PSD3: variants seen among roughly 807,000 people sequenced by gnomAD.
PSD3 encodes the protein PH and SEC7 domain-containing protein 3.
A neutral mutation model predicts 105.5 loss-of-function variants in PSD3; 49 were observed. The observed-to-expected ratio is 0.46, with a 90% CI of 0.37 to 0.59. The LOEUF (loss-of-function observed/expected upper bound fraction) is 0.59, where lower values mean the gene tolerates loss of function less well. PSD3 is among the 20% of genes least tolerant of loss of function. The pLI, the probability that PSD3 is intolerant of heterozygous loss-of-function variation, is 0.00. For missense variants in PSD3, 1,561 were observed against 1,263.8 expected (o/e 1.24, Z -3.57); for synonymous variants, 557 against 457.8 (o/e 1.22, Z -2.77).
At position 19,062,672 on chromosome 8, in the gene PSD3, A is replaced by G. The variant is rs146400098; in HGVS notation, c.324+21534T>C. ...GACACATACTAATATGCTTTAAAGT[A>G]GATGCATAACTTCTAAAATAAAAAT... is the stretch of plus-strand genomic sequence containing the variant. On this transcript the variant is annotated intron_variant, in intron 1 of 1. Transcript: ENST00000521475. Among the ~76,000 whole-genome samples, 52 of 152,354 alleles carry G rather than the reference A, an allele frequency of 3.4e-4. No homozygotes were observed. The East Asian group carries it at 8.5e-3, about 25-fold the overall frequency.
At position 18,527,324 on chromosome 8, in the gene PSD3, A is replaced by AT. The variant is rs1335216573; in HGVS notation, c.*8418dup. The AT allele has an allele frequency of 6.6e-6, 1 of 152,614 alleles. No individual in the cohort carries two copies. Among genetic ancestry groups the AT allele is most frequent in the Non-Finnish European group, 1.5e-5 (1 of 68,012 alleles). 9.5% of individuals were successfully genotyped at this position (152,614 alleles called of 1,614,324 possible). On this transcript the variant is annotated 3_prime_UTR_variant, in exon 16 of 16. Transcript: ENST00000327040. The stretch of plus-strand genomic sequence containing the variant: ...CAAATGATTGAAATTTGTTGGATTT[A>AT]TTTCTTTCTAAAGTTTGTACATTTA...
At chr8:18,897,032 C>T (rs1332310492) in intron 2 of PSD3, among the ~76,000 whole-genome samples, 2 of 152,034 alleles carry the variant, frequency 1.3e-5, no homozygotes, top group African/African-American at 2.4e-5. Flanking sequence ...GTCTCGAACT[C>T]CTGACCTCAG....
chr8:18,540,905 A>G (rs1445050110), intron 15 of PSD3, among the ~76,000 whole-genome samples: 1 of 152,068 alleles, frequency 6.6e-6, no homozygotes, highest in African/African-American at 2.4e-5. Flanking sequence ...CTGGGCTTGA[A>G]TCTGCCTCCA....
intron 4 of PSD3, among the ~76,000 whole-genome samples, chr8:18,862,196 T>C (rs79068756): frequency 6.6e-6 from 1 of 152,272 alleles, no homozygotes; most frequent in African/African-American, 2.4e-5. Context: ...TTCCTCCTCC[T>C]TCCTCCTTTA....
chr8:18,907,893 T>C (rs1348608299), intron 2 of PSD3, among the ~76,000 whole-genome samples: 2 of 152,230 alleles, frequency 1.3e-5, no homozygotes, highest in Non-Finnish European at 2.9e-5. Context: ...ATTAAATGTA[T>C]TGCTAAGCTG....
At chr8:18,700,611 C>T (rs1202987240) in intron 9 of PSD3, among the ~76,000 whole-genome samples, 1 of 152,216 alleles carries the variant, frequency 6.6e-6, no homozygotes, top group Admixed American at 6.5e-5. Context: ...GGGGGAAAAC[C>T]AGGAACAGAA....
chr8:19,050,539 A>T (rs543343063), intron 1 of PSD3, among the ~76,000 whole-genome samples: 2,532 of 152,326 alleles, frequency 0.017, 35 homozygotes, highest in Non-Finnish European at 0.026. Context: ...CTTTGTAGGG[A>T]CATGGATGAA....
intron 2 of PSD3, among the ~76,000 whole-genome samples, chr8:18,886,044 C>T (rs1818431315): frequency 6.6e-6 from 1 of 152,036 alleles, no homozygotes; most frequent in Non-Finnish European, 1.5e-5. Flanking sequence ...AAGAGAAACT[C>T]CTCCCCTATT....
Position 18,897,099 on chromosome 8 carries a change from G to A in PSD3, c.131-24366C>T, listed in dbSNP as rs192080378. On this transcript the variant is annotated intron_variant, in intron 2 of 15. Transcript: ENST00000327040. ...TGGGATTACAGGCGTGAGCCACCGT[G>A]CCCGGCCTATGTTTTGTCTTTTTGA... 3.7e-4 allele frequency among the ~76,000 whole-genome samples: 56 copies of A among 151,538 alleles called. 1 individual carries two copies. The highest frequency in any genetic ancestry group is 1.3e-3 in the African/African-American group (55 of 40,876).
At chr8:18,617,049 G>A (rs1585401453) in intron 11 of PSD3, among the ~76,000 whole-genome samples, 1 of 152,246 alleles carries the variant, frequency 6.6e-6, no homozygotes, top group Middle Eastern at 3.4e-3. Flanking sequence ...TCCCCTGTGT[G>A]CATGTTAATA....
intron 9 of PSD3, among the ~76,000 whole-genome samples, chr8:18,677,087 A>G (rs1800103410): frequency 6.6e-6 from 1 of 152,238 alleles, no homozygotes; most frequent in Non-Finnish European, 1.5e-5. Flanking sequence ...AGTGTGCTCA[A>G]CATTTACTCC....
chr8:18,859,399 A>C (rs1484682137), intron 4 of PSD3, among the ~76,000 whole-genome samples: 7 of 152,146 alleles, frequency 4.6e-5, no homozygotes. Context: ...TTGAGAAGGG[A>C]AAATGAGCAC....
chr8:18,927,635 G>A (rs1028678804), intron 2 of PSD3, among the ~76,000 whole-genome samples: 5 of 152,150 alleles, frequency 3.3e-5, no homozygotes, highest in Admixed American at 2.0e-4. Context: ...CCACTGACCC[G>A]GGGGCTCTGG....
intron 12 of PSD3, among the ~76,000 whole-genome samples, chr8:18,596,484 C>G (rs1453090318): frequency 1.3e-5 from 2 of 151,274 alleles, no homozygotes; most frequent in Non-Finnish European, 3.0e-5. Flanking sequence ...AAATGAAAAT[C>G]TAATCAAAGA....
chr8:18,841,862 C>CTT (rs1413842689), intron 4 of PSD3, among the ~76,000 whole-genome samples: 1 of 152,114 alleles, frequency 6.6e-6, no homozygotes, highest in Non-Finnish European at 1.5e-5. Context: ...TAAAGAGACC[C>CTT]TAATCCCTTC....
At chr8:18,863,659 T>C (rs188820798) in intron 4 of PSD3, among the ~76,000 whole-genome samples, 1 of 152,152 alleles carries the variant, frequency 6.6e-6, no homozygotes, top group Non-Finnish European at 1.5e-5. Flanking sequence ...TCCATCCAGA[T>C]TTATTCCAGG....
chr8:18,674,255 C>T (rs73591511), intron 9 of PSD3, among the ~76,000 whole-genome samples: 2,892 of 152,276 alleles, frequency 0.019, 86 homozygotes, highest in African/African-American at 0.066. Context: ...TGTCCTCGTT[C>T]GACTCACTGC....
In PSD3 at chr8:18,867,713, A is replaced by G; in HGVS notation, c.1595T>C (p.Ile532Thr). The change falls in exon 4 of 16, where the codon ATC becomes ACC. Residue 532 changes from isoleucine to threonine, a missense_variant. By Grantham distance (89) the Ile-to-Thr change is moderately conservative (BLOSUM62 -1). Transcript: ENST00000327040. ...TNGLNDASDS[I>T]YTKGTPEIAF... The stretch of plus-strand genomic sequence containing the variant: ...AATCTCCGGGGTGCCTTTCGTGTAG[A>G]TGGAGTCGCTGGCATCATTCAGCCC... 6 of 1,614,012 alleles carry G rather than the reference A, an allele frequency of 3.7e-6. No individual in the cohort carries two copies. Among genetic ancestry groups the G allele is most frequent in the Non-Finnish European group, 5.1e-6 (6 of 1,179,932 alleles).
intron 1 of PSD3, among the ~76,000 whole-genome samples, chr8:19,071,550 C>G (rs549703734): frequency 6.6e-6 from 1 of 152,160 alleles, no homozygotes; most frequent in South Asian, 2.1e-4. Flanking sequence ...GGAGAGAGGG[C>G]CTTGGCTTGA....
Sources: allele counts gnomAD v4.1 joint callset (sites outside exome capture counted in the v4.1 genomes callset), GRCh38; gene constraint gnomAD v4.1.1; transcripts MANE v1.5; gene names NCBI Gene and HGNC (gene_info 2026-07-23, HGNC 2026-07-21).